FMNL2: variants seen among roughly 807,000 people sequenced by gnomAD.
FMNL2 encodes formin-like protein 2.
In FMNL2, 51 loss-of-function variants were observed where a neutral mutation model predicts 130.2. The observed-to-expected ratio is 0.39, with a 90% CI of 0.31 to 0.49. The LOEUF (loss-of-function observed/expected upper bound fraction) is 0.49. Ranked by LOEUF, FMNL2 falls within the 20% of genes least tolerant of loss-of-function variation. FMNL2 has a pLI of 0.85. For synonymous variants in FMNL2, 465 were observed against 467.1 expected, an observed-to-expected ratio of 1.00 and a Z score of 0.06; for missense variants, 977 against 1,316.2, an observed-to-expected ratio of 0.74 and a Z score of 3.99.
intron 1 of FMNL2, among the ~76,000 whole-genome samples, chr2:152,346,774 T>TA (rs919243559): frequency 3.9e-5 from 6 of 152,136 alleles, no homozygotes; most frequent in African/African-American, 1.2e-4. Flanking sequence ...GATCCTCTTT[T>TA]AAAAAAATCT....
chr2:152,401,101 CA>C (rs1685668739), intron 1 of FMNL2, among the ~76,000 whole-genome samples: 1 of 152,210 alleles, frequency 6.6e-6, no homozygotes, highest in Non-Finnish European at 1.5e-5. Flanking sequence ...AAGACTATTT[CA>C]TTGTAGCTCT....
In FMNL2 at chr2:152,618,886, G is replaced by T; in HGVS notation, c.1355G>T (p.Arg452Ile). Residue 452 changes from arginine to isoleucine, a missense_variant, in exon 14 of 26, where the codon AGA becomes ATA. Transcript: ENST00000288670. ...KDANTQVHTL[R>I]KMVKEKEEAI... Reference sequence around the variant, plus strand: ...GCAAATACTCAAGTTCACACATTAAGAAAAATGGTCAAAGAAAAAGAAGAA... The same window carrying T: ...GCAAATACTCAAGTTCACACATTAATAAAAATGGTCAAAGAAAAAGAAGAA... 6.2e-7 allele frequency: 1 copy of T among 1,610,112 alleles called. No individual in the cohort carries two copies. The highest frequency in any genetic ancestry group is 8.5e-7 in the Non-Finnish European group (1 of 1,178,672).
At chr2:152,551,323 G>A (rs1307983987) in intron 4 of FMNL2, among the ~76,000 whole-genome samples, 1 of 152,114 alleles carries the variant, frequency 6.6e-6, no homozygotes, top group Admixed American at 6.6e-5. Context: ...GGATACTATA[G>A]GCATATTGAA....
chr2:152,628,154 G>A, intron 17 of FMNL2, 145 bp from the exon 18 acceptor site: 1 of 700,082 alleles, frequency 1.4e-6, no homozygotes, highest in Non-Finnish European at 2.4e-6. Flanking sequence ...CAGGACAGCT[G>A]GAGAAATCTT....
intron 15 of FMNL2, among the ~76,000 whole-genome samples, chr2:152,621,737 T>A (rs1295792481): frequency 6.6e-6 from 1 of 152,200 alleles, no homozygotes; most frequent in African/African-American, 2.4e-5. Context: ...TAATTCTTAG[T>A]GATTGAAGCC....
intron 1 of FMNL2, among the ~76,000 whole-genome samples, chr2:152,404,075 A>G (rs1198924906): frequency 6.6e-6 from 1 of 152,226 alleles, no homozygotes; most frequent in Non-Finnish European, 1.5e-5. Flanking sequence ...TCAATAAATA[A>G]ATAAATAAAT....
At chr2:152,540,910 C>G (rs977059711) in intron 2 of FMNL2, among the ~76,000 whole-genome samples, 1 of 152,130 alleles carries the variant, frequency 6.6e-6, no homozygotes, top group Admixed American at 6.5e-5. Flanking sequence ...ATTTTAAAAT[C>G]TACAAGCAAG....
intron 1 of FMNL2, among the ~76,000 whole-genome samples, chr2:152,421,000 G>A (rs966281382): frequency 4.6e-5 from 7 of 152,166 alleles, no homozygotes; most frequent in Admixed American, 1.3e-4. Context: ...GTAGGGTACC[G>A]TCCAACGCAT....
chr2:152,460,922 T>C (rs1689200376), intron 1 of FMNL2, among the ~76,000 whole-genome samples: 1 of 152,158 alleles, frequency 6.6e-6, no homozygotes, highest in Non-Finnish European at 1.5e-5. Flanking sequence ...AATGTAATAA[T>C]AATAGAAATA....
intron 9 of FMNL2, among the ~76,000 whole-genome samples, chr2:152,599,107 G>A (rs944329049): frequency 1.3e-5 from 2 of 152,202 alleles, no homozygotes; most frequent in African/African-American, 4.8e-5. Flanking sequence ...GCCCTCAGTG[G>A]ATTGGAGACG....
intron 1 of FMNL2, among the ~76,000 whole-genome samples, chr2:152,484,775 G>T (rs1690725187): frequency 6.6e-6 from 1 of 151,948 alleles, no homozygotes; most frequent in Non-Finnish European, 1.5e-5. Context: ...AACATAAAAT[G>T]AAAAGAGAGC....
intron 1 of FMNL2, among the ~76,000 whole-genome samples, chr2:152,415,602 G>A (rs1270047378): frequency 1.3e-5 from 2 of 151,866 alleles, no homozygotes; most frequent in African/African-American, 2.4e-5. Context: ...CTATTTTTGA[G>A]GTGGGTAATA....
At chr2:152,608,971 C>A (rs1473651052) in intron 10 of FMNL2, among the ~76,000 whole-genome samples, 1 of 105,354 alleles carries the variant, frequency 9.5e-6, no homozygotes, top group Non-Finnish European at 2.1e-5. Context: ...TGGAGCCAAG[C>A]AGCCCCTATT....
chr2:152,620,827 C>G (rs1699212687), intron 15 of FMNL2: 1 of 688,992 alleles, frequency 1.5e-6, no homozygotes, highest in Admixed American at 6.3e-5. Flanking sequence ...ACATCAAATC[C>G]ATGGTTTTAC....
intron 1 of FMNL2, among the ~76,000 whole-genome samples, chr2:152,470,434 G>T (rs1579742953): frequency 6.6e-6 from 1 of 152,176 alleles, no homozygotes; most frequent in Non-Finnish European, 1.5e-5. Flanking sequence ...TGCTGTCTAC[G>T]ATTTGTCAAC....
intron 5 of FMNL2, among the ~76,000 whole-genome samples, chr2:152,559,802 A>C (rs1300846865): frequency 1.3e-5 from 2 of 152,154 alleles, no homozygotes; most frequent in Non-Finnish European, 2.9e-5. Flanking sequence ...TAGCAGTTAA[A>C]ATTTTATTAG....
At chr2:152,372,825 T>G (rs1683959202) in intron 1 of FMNL2, among the ~76,000 whole-genome samples, 1 of 152,250 alleles carries the variant, frequency 6.6e-6, no homozygotes, top group Non-Finnish European at 1.5e-5. Flanking sequence ...CATTGAAGGC[T>G]ACTTTAGCTC....
chr2:152,647,616 A>AT (rs1421371061), intron 25 of FMNL2, among the ~76,000 whole-genome samples, 180 bp from the exon 26 acceptor site: 3 of 152,180 alleles, frequency 2.0e-5, no homozygotes, highest in African/African-American at 7.2e-5. Context: ...GTTTTGTTTG[A>AT]TTGTAAATAT....
intron 12 of FMNL2, among the ~76,000 whole-genome samples, chr2:152,616,802 C>T (rs1425793430): frequency 6.6e-6 from 1 of 152,128 alleles, no homozygotes; most frequent in Admixed American, 6.5e-5. Flanking sequence ...CCTTACTTTC[C>T]TCTACCCTTG....
Sources: gnomAD v4.1 joint callset for allele counts (sites outside exome capture counted in the v4.1 genomes callset) on GRCh38, gnomAD v4.1.1 for gene constraint, MANE v1.5 for transcripts, NCBI Gene and HGNC (gene_info 2026-07-23, HGNC 2026-07-21) for gene names.